CEP290: variants seen among roughly 807,000 people sequenced by gnomAD.
CEP290 encodes centrosomal protein 290, also known as centrosomal protein of 290 kDa.
CEP290 carries 317 observed loss-of-function variants against 344.9 expected under a neutral mutation model. The ratio of observed to expected loss-of-function variants is 0.92; its 90% CI spans 0.84 to 1.01. The LOEUF (loss-of-function observed/expected upper bound fraction) is 1.01, where lower values mean the gene tolerates loss of function less well. Among genes scored for constraint, CEP290 ranks in the 50% least tolerant of loss-of-function variants. The pLI is 0.00. For synonymous variants in CEP290, 932 were observed against 895.8 expected (o/e 1.04, Z -0.72); for missense variants, 2,754 against 2,761.4 (o/e 1.00, Z 0.06).
At chr12:88,115,457 A>G in intron 18 of CEP290, 1 of 1,293,602 alleles carries the variant, frequency 7.7e-7, no homozygotes, top group African/African-American at 1.5e-5. Context: ...CATCTCTTTT[A>G]ATGTTCTGCC....
intron 49 of CEP290, among the ~76,000 whole-genome samples, chr12:88,056,289 A>C (rs1281207493): frequency 6.6e-6 from 1 of 152,132 alleles, no homozygotes; most frequent in Non-Finnish European, 1.5e-5. Context: ...GAAAAAAAAA[A>C]TTCATAATTG....
intron 38 of CEP290, among the ~76,000 whole-genome samples, 199 bp from the exon 39 acceptor site, chr12:88,079,428 A>G (rs1364601369): frequency 6.6e-6 from 1 of 152,194 alleles, no homozygotes; most frequent in East Asian, 1.9e-4. Context: ...AATTCTTTCC[A>G]CATTGAATGT....
chr12:88,090,638 C>T, intron 30 of CEP290, 90 bp downstream of exon 30: 1 of 823,974 alleles, frequency 1.2e-6, no homozygotes, highest in South Asian at 1.6e-5. Flanking sequence ...TCGAAACAAA[C>T]AAAAAGTATA....
Position 88,077,682 on chromosome 12 carries a change from TA to T in CEP290, c.5586+14del. ...ATTGTAAATCAGACATTATCAGAGT[TA>T]AATATAAAATTACCTGTAATCCACT... On this transcript the variant is annotated intron_variant, in intron 40 of 53. Transcript: ENST00000552810. 7.2e-7 allele frequency: 1 copy of T among 1,384,524 alleles called. No individual in the cohort carries two copies. Among genetic ancestry groups the T allele is most frequent in the Non-Finnish European group, 1.0e-6 (1 of 1,003,932 alleles). The allele number at this position is 1,384,524 out of a possible 1,614,324, so 85.8% of individuals were successfully genotyped here.
At chr12:88,070,645 T>C (rs1592779631) in intron 43 of CEP290, among the ~76,000 whole-genome samples, 1 of 152,132 alleles carries the variant, frequency 6.6e-6, no homozygotes, top group African/African-American at 2.4e-5. Flanking sequence ...CGTTTTTTTC[T>C]TCCTCTTTCT....
rs878853363 is a variant in CEP290, at chr12:88,140,988, G to C, written c.148C>G (p.His50Asp). The C allele has an allele frequency of 1.3e-6, 2 of 1,591,388 alleles. No individual in the cohort carries two copies. The highest frequency in any genetic ancestry group is 1.7e-6 in the Non-Finnish European group (2 of 1,171,620). Reference sequence around the variant, plus strand: ...AGTGACTGAGTAATTCTGAAAAGGTGTATCACATTTTCTTGCTTTTCACTT... The same window carrying C: ...AGTGACTGAGTAATTCTGAAAAGGTCTATCACATTTTCTTGCTTTTCACTT... ...LKSEKQENVI[H>D]LFRITQSLMK... is the part of the protein sequence containing the mutation. Residue 50 changes from histidine (H) to aspartate (D), a missense_variant, in exon 3 of 54, where the codon CAC becomes GAC. Transcript: ENST00000552810.
intron 38 of CEP290, 97 bp from the exon 39 acceptor site, chr12:88,079,326 T>C: frequency 1.1e-6 from 1 of 938,936 alleles, no homozygotes; most frequent in Non-Finnish European, 1.5e-6. Flanking sequence ...TATTACTTCC[T>C]ACTATTTTTC....
intron 53 of CEP290, 170 bp from the exon 54 acceptor site, chr12:88,049,584 T>C (rs1592705807): frequency 1.9e-6 from 1 of 517,080 alleles, no homozygotes; most frequent in East Asian, 3.5e-5. Flanking sequence ...ACAGTGTAAA[T>C]AACTAAGTTG....
Position 88,118,649 on chromosome 12 carries a change from C to T in CEP290, c.1617G>A (p.Leu539=), listed in dbSNP as rs1451394516. ...QQYRAENQIL[L]KEIESLEEER... is the part of the protein sequence containing the mutation. ...AACTGACTACCACACTTGCCTCTTTCAAAAGAATCTGGTTTTCAGCTCTGT... is the reference window on the plus strand; with the variant it reads ...AACTGACTACCACACTTGCCTCTTTTAAAAGAATCTGGTTTTCAGCTCTGT... Residue 539 remains leucine, a synonymous_variant, in exon 16 of 54, where the codon TTG becomes TTA. Coordinates refer to ENST00000552810, the MANE Select transcript of CEP290 (RefSeq NM_025114.4). 6.2e-7 allele frequency: 1 copy of T among 1,613,272 alleles called. No individual in the cohort carries two copies. The highest frequency in any genetic ancestry group is 8.5e-7 in the Non-Finnish European group (1 of 1,179,484).
At chr12:88,106,572 G>T in intron 25 of CEP290, 103 bp downstream of exon 25, 1 of 693,324 alleles carries the variant, frequency 1.4e-6, no homozygotes, top group Non-Finnish European at 2.3e-6. Context: ...GTTAATAAAT[G>T]TTAACTATTA....
chr12:88,068,752 C>T, intron 43 of CEP290, 107 bp from the exon 44 acceptor site: 2 of 1,095,606 alleles, frequency 1.8e-6, no homozygotes, highest in South Asian at 1.7e-5. Flanking sequence ...TGTTTATTAA[C>T]ACTATATTTT....
intron 11 of CEP290, among the ~76,000 whole-genome samples, chr12:88,128,538 C>T (rs375779680): frequency 6.6e-6 from 1 of 152,092 alleles, no homozygotes. Context: ...GATCCCTTTG[C>T]TTATTCCCAT....
chr12:88,073,043 A>G (rs773499727), intron 41 of CEP290, among the ~76,000 whole-genome samples: 3 of 152,324 alleles, frequency 2.0e-5, no homozygotes, highest in Non-Finnish European at 2.9e-5. Context: ...CCAATGCAGA[A>G]TAGTCTCATG....
At position 88,066,420 on chromosome 12, in the gene CEP290, C is replaced by T. The variant is rs986000866; in HGVS notation, c.6135+2102G>A. ...GCTCAAGTGATCTGCCCACCTCTGC[C>T]TCCCGAGTAGCTAGGACTACAGGTG... On this transcript the variant is annotated intron_variant, in intron 44 of 53. Coordinates refer to ENST00000552810, the MANE Select transcript of CEP290 (RefSeq NM_025114.4). Among the ~76,000 whole-genome samples the T allele has an allele frequency of 9.2e-5, 14 of 151,734 alleles. 1 individual carries two copies. The highest frequency in any genetic ancestry group is 7.9e-4 in the Admixed American group (12 of 15,230).
In CEP290 at chr12:88,053,632, T is replaced by C. The variant is rs1303507745; in HGVS notation, c.7129+20A>G. The C allele has an allele frequency of 1.5e-6, 2 of 1,308,616 alleles. No individual in the cohort carries two copies. The highest frequency in any genetic ancestry group is 2.1e-6 in the Non-Finnish European group (2 of 936,178). The allele number at this position is 1,308,616 out of a possible 1,614,324, so 81.1% of individuals were successfully genotyped here. A position where few individuals can be genotyped will look rare whatever the true frequency, so the allele number is the denominator to read the frequency against. Reference sequence around the variant, plus strand: ...TTCAAAAACTTGGGGGTAGCTAACATGTTTTTTAAAATACATTACCAGGTA... The same window carrying C: ...TTCAAAAACTTGGGGGTAGCTAACACGTTTTTTAAAATACATTACCAGGTA... On this transcript the variant is annotated intron_variant, in intron 52 of 53. Coordinates refer to ENST00000552810, the MANE Select transcript of CEP290 (RefSeq NM_025114.4).
chr12:88,104,713 T>C (rs1402140646), intron 25 of CEP290, among the ~76,000 whole-genome samples: 1 of 152,088 alleles, frequency 6.6e-6, no homozygotes, highest in Non-Finnish European at 1.5e-5. Flanking sequence ...AGATATATTC[T>C]GAAGAAAATA....
intron 21 of CEP290, among the ~76,000 whole-genome samples, 155 bp downstream of exon 21, chr12:88,111,539 T>G (rs1391019372): frequency 6.6e-6 from 1 of 152,186 alleles, no homozygotes; most frequent in Non-Finnish European, 1.5e-5. Context: ...TATTTTCCAC[T>G]TATAATTTTA....
chr12:88,088,874 T>C (rs1278109863), intron 31 of CEP290, among the ~76,000 whole-genome samples, 158 bp downstream of exon 31: 7 of 152,036 alleles, frequency 4.6e-5, no homozygotes, highest in Non-Finnish European at 1.0e-4. Flanking sequence ...GGTATGGTGG[T>C]GTGCACCTGT....
intron 41 of CEP290, 21 bp from the exon 42 acceptor site, chr12:88,071,947 G>A (rs760046553): frequency 6.5e-7 from 1 of 1,545,020 alleles, no homozygotes; most frequent in South Asian, 1.3e-5. Context: ...AACGAAGGAG[G>A]TAGGAAAATT....
Sources: allele counts gnomAD v4.1 joint callset (sites outside exome capture counted in the v4.1 genomes callset), GRCh38; gene constraint gnomAD v4.1.1; transcripts MANE v1.5; gene names NCBI Gene and HGNC (gene_info 2026-07-23, HGNC 2026-07-21).